Variants in NOC2L observed in about 807,000 individuals in gnomAD.
NOC2L encodes the protein NOC2 like nucleolar associated transcriptional repressor.
Under a neutral mutation model 94.2 loss-of-function variants are expected in NOC2L, and 101 were observed. The observed-to-expected ratio is 1.07, with a 90% confidence interval of 0.91 to 1.26. The LOEUF is 1.26. NOC2L is among the 50% of genes most tolerant of loss of function. The pLI is 0.00. For missense variants in NOC2L, 1,076 were observed against 980.1 expected, an observed-to-expected ratio of 1.10 and a Z score of -1.31; for synonymous variants, 531 against 413.4, an observed-to-expected ratio of 1.28 and a Z score of -3.45.
chr1:959,216 T>A lies in NOC2L; in HGVS notation c.25A>T (p.Arg9Trp). 2.7e-5 allele frequency: 43 copies of A among 1,608,406 alleles called. No individual in the cohort carries two copies. Among genetic ancestry groups the A allele is most frequent in the Non-Finnish European group, 3.6e-5 (42 of 1,178,312 alleles). The change falls in exon 1 of 19, where the codon AGG (arginine) becomes TGG (tryptophan). Residue 9 changes from arginine to tryptophan, a missense_variant and splice_region_variant. This residue lies in a region of NOC2L where 457 missense variants were observed against 386.0 expected (regional missense o/e 1.18). Coordinates refer to ENST00000327044, the MANE Select transcript of NOC2L (RefSeq NM_015658.4). The part of the protein sequence containing the change: MAAAGSRK[R>W]RLAELTVDEF... Reference sequence around the variant, plus strand: ...TCGGCCCTCGGACCCGCGGCTTACCTCTTGCGGCTCCCCGCAGCTGCCATG... The same window carrying A: ...TCGGCCCTCGGACCCGCGGCTTACCACTTGCGGCTCCCCGCAGCTGCCATG...
Position 959,215 on chromosome 1 carries a change from C to A in NOC2L, c.26G>T (p.Arg9Met). The change falls in exon 1 of 19, where the codon AGG (arginine) becomes ATG (methionine). Residue 9 changes from arginine (R) to methionine (M), a missense_variant and splice_region_variant. This residue lies in a region of NOC2L where 457 missense variants were observed against 386.0 expected (regional missense o/e 1.18). Coordinates refer to ENST00000327044, the MANE Select transcript of NOC2L (RefSeq NM_015658.4). ...ATCGGCCCTCGGACCCGCGGCTTAC[C>A]TCTTGCGGCTCCCCGCAGCTGCCAT... MAAAGSRK[R>M]RLAELTVDEF... 6.2e-7 allele frequency: 1 copy of A among 1,609,054 alleles called. No individual in the cohort carries two copies. The highest frequency in any genetic ancestry group is 1.7e-5 in the Admixed American group (1 of 59,752).
rs1419573255 is a variant in NOC2L at position 954,009 on chromosome 1, T to C, written c.772A>G (p.Ile258Val). ...VDIKAYLGSA[I>V]QLVSCLSETT... ...CCTCCCCACCAGAATAGCACCTGTA[T>C]GGCCGAGCCCAGGTAAGCCTTGATG... Residue 258 changes from isoleucine to valine, a missense_variant, in exon 7 of 19, where the codon ATA (isoleucine) becomes GTA (valine). Ile to Val is a conservative substitution (Grantham distance 29). Transcript: ENST00000327044. The C allele has an allele frequency of 3.1e-6, 5 of 1,606,134 alleles. No homozygotes were observed. Among genetic ancestry groups the C allele is most frequent in the African/African-American group, 1.3e-5 (1 of 74,700 alleles).
rs1004025240 is a variant in NOC2L, at chr1:957,466, G to A, written c.180-193C>T. The A allele has an allele frequency of 1.7e-5, 10 of 598,008 alleles. No homozygotes were observed. The East Asian group carries it at 1.7e-4, about 10-fold the overall frequency. 37.0% of individuals were successfully genotyped at this position (598,008 alleles called of 1,614,324 possible). Reference sequence around the variant, plus strand: ...AACATACCCTCAAACACACTACACAGGCCCCCCAGCCGCGGTCTTCCCTGG... The same window carrying A: ...AACATACCCTCAAACACACTACACAAGCCCCCCAGCCGCGGTCTTCCCTGG... On this transcript the variant is annotated intron_variant, in intron 2 of 18. Coordinates refer to ENST00000327044, the MANE Select transcript of NOC2L (RefSeq NM_015658.4).
chr1:956,335 G>T, intron 4 of NOC2L, 120 bp from the exon 5 acceptor site: 2 of 1,187,676 alleles, frequency 1.7e-6, no homozygotes, highest in East Asian at 2.4e-5. Flanking sequence ...GCAGAGGTTG[G>T]GGGGAGGCAC....
chr1:955,831 GTC>G lies in NOC2L; in HGVS notation c.698+90_698+91del. ...AAGAAGACGCTGGCTCTGTTGCCAT[GTC>G]TCTGTCCTAGCCACAAGGCCTCTGG... is the stretch of plus-strand genomic sequence containing the variant. On this transcript the variant is annotated intron_variant, in intron 6 of 18. Transcript: ENST00000327044. 17 of 1,090,214 alleles carry G rather than the reference GTC, an allele frequency of 1.6e-5. 1 individual carries two copies. The South Asian group carries it at 2.3e-4, about 15-fold the overall frequency. The allele number at this position is 1,090,214 out of a possible 1,614,324, so 67.5% of individuals were successfully genotyped here. A position where few individuals can be genotyped will look rare whatever the true frequency, so the allele number is the denominator to read the frequency against.
chr1:944,352 A>G lies in NOC2L; in HGVS notation c.*342T>C. 3 of 1,366,332 alleles carry G rather than the reference A, an allele frequency of 2.2e-6. No homozygotes were observed. Among genetic ancestry groups the G allele is most frequent in the Non-Finnish European group, 2.8e-6 (3 of 1,066,572 alleles). 84.6% of individuals were successfully genotyped at this position (1,366,332 alleles called of 1,614,324 possible). ...AGGCAGAGCCTGGTGCAGATGGACG[A>G]GGTCTGCAGACGGAGGGCAGAGGTG... On this transcript the variant is annotated 3_prime_UTR_variant, in exon 19 of 19. Coordinates refer to ENST00000327044, the MANE Select transcript of NOC2L (RefSeq NM_015658.4).
intron 7 of NOC2L, 38 bp from the exon 8 acceptor site, chr1:953,930 G>A (rs115055432): frequency 2.5e-6 from 4 of 1,607,988 alleles, no homozygotes; most frequent in African/African-American, 1.3e-5. Context: ...CCAAACCCAT[G>A]TATTCTGGGA....
rs551875464 is a variant in NOC2L at position 944,398 on chromosome 1, G to A, written c.*296C>T. On this transcript the variant is annotated 3_prime_UTR_variant, in exon 19 of 19. Transcript: ENST00000327044. ...AGGTGGTGGAAGGGGCCAGGGGCCT[G>A]CAGGCCTCCCCCTGGAACTGGGACT... 2,231 of 1,248,216 alleles carry A rather than the reference G, an allele frequency of 1.8e-3. 3 individuals carry two copies. Among genetic ancestry groups the A allele is most frequent in the Non-Finnish European group, 2.1e-3 (2,016 of 961,872 alleles). The allele number at this position is 1,248,216 out of a possible 1,614,324, so 77.3% of individuals were successfully genotyped here. A position where few individuals can be genotyped will look rare whatever the true frequency, so the allele number is the denominator to read the frequency against.
At chr1:955,084 G>A (rs1461546427) in intron 6 of NOC2L, among the ~76,000 whole-genome samples, 2 of 152,310 alleles carry the variant, frequency 1.3e-5, no homozygotes, top group Admixed American at 1.3e-4. Context: ...CTGCTGCCTC[G>A]ACAGGGGTCC....
chr1:945,253 C>T (rs544937132), intron 17 of NOC2L, 107 bp from the exon 18 acceptor site: 2 of 1,391,244 alleles, frequency 1.4e-6, no homozygotes, highest in East Asian at 2.5e-5. Context: ...CTTCCCTCCG[C>T]TGACTTCCAG....
intron 2 of NOC2L, chr1:958,566 G>A (rs1642481458): frequency 2.2e-6 from 1 of 457,596 alleles, no homozygotes. Flanking sequence ...CCTTCTAACA[G>A]AGCAACTCGG....
chr1:946,673 A>G, intron 14 of NOC2L, 128 bp from the exon 15 acceptor site: 1 of 1,149,788 alleles, frequency 8.7e-7, no homozygotes, highest in Non-Finnish European at 1.2e-6. Context: ...ATCCCATCTC[A>G]GGGCTCAAGT....
intron 14 of NOC2L, chr1:946,768 A>C (rs1642128736): frequency 1.9e-6 from 1 of 528,110 alleles, no homozygotes; most frequent in African/African-American, 1.9e-5. Context: ...TCTGGAAATA[A>C]AGTTTTATGC....
In NOC2L at chr1:948,122, G is replaced by T; in HGVS notation, c.1659+9C>A. 1.3e-6 allele frequency: 2 copies of T among 1,573,302 alleles called. No individual in the cohort carries two copies. Among genetic ancestry groups the T allele is most frequent in the Non-Finnish European group, 1.7e-6 (2 of 1,158,684 alleles). On this transcript the variant is annotated intron_variant, in intron 14 of 18. Coordinates refer to ENST00000327044, the MANE Select transcript of NOC2L (RefSeq NM_015658.4). ...GTCGGCCACGAGCCGGTGTGGGCAG[G>T]ACACACACCTGCAGGACCACAGGCA...
chr1:947,604 G>A (rs966239516), intron 14 of NOC2L, among the ~76,000 whole-genome samples: 3 of 152,228 alleles, frequency 2.0e-5, no homozygotes, highest in African/African-American at 7.2e-5. Context: ...GGCCCAGAAG[G>A]ACCTTCTGAG....
chr1:948,000 G>T, intron 14 of NOC2L, 131 bp downstream of exon 14: 1 of 709,536 alleles, frequency 1.4e-6, no homozygotes, highest in Non-Finnish European at 2.4e-6. Flanking sequence ...CACGGGGCGC[G>T]TTGCCAGCAG....
At chr1:953,735 G>GC (rs758939470) in intron 8 of NOC2L, 47 bp downstream of exon 8, 7 of 1,396,630 alleles carry the variant, frequency 5.0e-6, no homozygotes, top group East Asian at 2.3e-5. Context: ...TAGCCGTGTG[G>GC]CCCCCCGACC....
chr1:955,902 C>A, intron 6 of NOC2L, 21 bp downstream of exon 6: 1 of 1,592,510 alleles, frequency 6.3e-7, no homozygotes, highest in South Asian at 1.1e-5. Flanking sequence ...CCCTACCCCC[C>A]TTCACCCCCT....
chr1:950,474 TAC>T (rs546767833), intron 12 of NOC2L, among the ~76,000 whole-genome samples: 2 of 149,950 alleles, frequency 1.3e-5, no homozygotes, highest in African/African-American at 2.5e-5. Flanking sequence ...TGCATACAGG[TAC>T]ACACAGGTAC....
Sources: gnomAD v4.1 joint callset for allele counts (sites outside exome capture counted in the v4.1 genomes callset) on GRCh38, gnomAD v4.1.1 for gene constraint, gnomAD v4.1.1 regional missense constraint, MANE v1.5 for transcripts, NCBI Gene and HGNC (gene_info 2026-07-23, HGNC 2026-07-21) for gene names.